RBFOX1: variants seen among roughly 807,000 people sequenced by gnomAD.
RBFOX1 encodes RNA binding protein fox-1 homolog 1.
RBFOX1 carries 8 observed loss-of-function variants against 57.7 expected under a neutral mutation model. The observed-to-expected ratio is 0.14, with a 90% CI of 0.08 to 0.25. The LOEUF is 0.25. Ranked by LOEUF, RBFOX1 falls within the 10% of genes least tolerant of loss-of-function variation. RBFOX1 has a pLI of 1.00. For synonymous variants in RBFOX1, 326 were observed against 222.4 expected (o/e 1.47, Z -4.15); for missense variants, 611 against 548.5 (o/e 1.11, Z -1.14).
chr16:7,272,437 G>A (rs528855557), intron 4 of RBFOX1, among the ~76,000 whole-genome samples: 23 of 152,166 alleles, frequency 1.5e-4, no homozygotes, highest in Non-Finnish European at 3.1e-4. Flanking sequence ...ACCTGCCTCA[G>A]TATCCCAAAA....
intron 1 of RBFOX1, among the ~76,000 whole-genome samples, chr16:6,027,487 A>G (rs1050077975): frequency 3.9e-5 from 6 of 152,158 alleles, no homozygotes; most frequent in Non-Finnish European, 7.3e-5. Context: ...ATCACTTTCT[A>G]AGTCCATAAC....
At chr16:5,439,034 G>C (rs1026830812) in intron 1 of RBFOX1, among the ~76,000 whole-genome samples, 8 of 23,926 alleles carry the variant, frequency 3.3e-4, no homozygotes, top group East Asian at 3.8e-3. Flanking sequence ...GAGAATAATG[G>C]GGGGGGGGGC....
chr16:6,412,157 A>G (rs563621942), intron 2 of RBFOX1, among the ~76,000 whole-genome samples: 6 of 151,550 alleles, frequency 4.0e-5, no homozygotes, highest in African/African-American at 1.5e-4. Flanking sequence ...AAAAAACAAA[A>G]AAACAAAAAA....
At chr16:5,732,234 A>T (rs2052401613) in intron 3 of RBFOX1, among the ~76,000 whole-genome samples, 1 of 152,234 alleles carries the variant, frequency 6.6e-6, no homozygotes. Flanking sequence ...TTTTCTGCTA[A>T]TTCCTGCCTT....
chr16:5,710,169 T>G (rs1437818584), intron 3 of RBFOX1, among the ~76,000 whole-genome samples: 1 of 152,020 alleles, frequency 6.6e-6, no homozygotes, highest in Non-Finnish European at 1.5e-5. Flanking sequence ...CATGTGAGTT[T>G]AGAGCCAAGG....
chr16:6,748,596 C>T (rs190996105), intron 3 of RBFOX1, among the ~76,000 whole-genome samples: 2 of 152,250 alleles, frequency 1.3e-5, no homozygotes, highest in Admixed American at 1.3e-4. Context: ...AAGTTCGAGG[C>T]TGTTGTGAGT....
intron 1 of RBFOX1, among the ~76,000 whole-genome samples, chr16:5,454,283 T>C (rs1424576237): frequency 1.3e-5 from 2 of 152,228 alleles, no homozygotes; most frequent in African/African-American, 4.8e-5. Flanking sequence ...AGTGTTGCAT[T>C]GCTGTGTAGC....
chr16:6,982,711 G>T (rs2089249444), intron 3 of RBFOX1, among the ~76,000 whole-genome samples: 1 of 152,138 alleles, frequency 6.6e-6, no homozygotes. Context: ...ATGTGGAACT[G>T]GCCAGGTGCA....
intron 2 of RBFOX1, among the ~76,000 whole-genome samples, chr16:6,394,071 A>C (rs1195755478): frequency 6.6e-6 from 1 of 152,228 alleles, no homozygotes. Flanking sequence ...TGCAATGCAG[A>C]CATCCATGAC....
At chr16:6,852,190 A>G (rs985924185) in intron 3 of RBFOX1, among the ~76,000 whole-genome samples, 1 of 152,084 alleles carries the variant, frequency 6.6e-6, no homozygotes, top group Non-Finnish European at 1.5e-5. Flanking sequence ...CAAGGTTTTG[A>G]TAGGGCTCTG....
chr16:5,881,067 C>G (rs111573104), intron 4 of RBFOX1, among the ~76,000 whole-genome samples: 1 of 152,098 alleles, frequency 6.6e-6, no homozygotes, highest in Admixed American at 6.5e-5. Context: ...AAAGGGAGTG[C>G]TAGATTTGTT....
intron 14 of RBFOX1, among the ~76,000 whole-genome samples, chr16:7,701,675 G>A (rs560652180): frequency 2.0e-5 from 3 of 151,028 alleles, no homozygotes; most frequent in East Asian, 3.9e-4. Flanking sequence ...AAGTGAGCTT[G>A]GTCATCCCTA....
At chr16:7,055,702 C>T (rs773136732) in intron 4 of RBFOX1, among the ~76,000 whole-genome samples, 1 of 152,164 alleles carries the variant, frequency 6.6e-6, no homozygotes, top group Admixed American at 6.5e-5. Context: ...AGTTATGATT[C>T]ATTTGCAGCA....
chr16:7,700,743 C>T (rs1412162826), intron 14 of RBFOX1, among the ~76,000 whole-genome samples: 3 of 152,174 alleles, frequency 2.0e-5, no homozygotes, highest in South Asian at 2.1e-4. Flanking sequence ...GTGGGACTTA[C>T]TTACTGTGTC....
At chr16:6,091,135 G>A (rs2096166377) in intron 1 of RBFOX1, among the ~76,000 whole-genome samples, 1 of 152,038 alleles carries the variant, frequency 6.6e-6, no homozygotes. Context: ...ACTGTGCTGT[G>A]GAACATTAAA....
At chr16:5,518,079 A>G (rs1445444947) in intron 2 of RBFOX1, among the ~76,000 whole-genome samples, 5 of 152,208 alleles carry the variant, frequency 3.3e-5, no homozygotes, top group Admixed American at 2.6e-4. Flanking sequence ...AAAACAACCT[A>G]TAAATGCCTT....
chr16:5,348,824 G>T (rs1250321477), intron 1 of RBFOX1, among the ~76,000 whole-genome samples: 1 of 152,196 alleles, frequency 6.6e-6, no homozygotes, highest in African/African-American at 2.4e-5. Flanking sequence ...TTTGTCAGCA[G>T]ACTCTTAGGT....
intron 1 of RBFOX1, among the ~76,000 whole-genome samples, chr16:6,267,826 C>T (rs1483836714): frequency 6.6e-6 from 1 of 152,136 alleles, no homozygotes; most frequent in Non-Finnish European, 1.5e-5. Flanking sequence ...ACAGGTTGGA[C>T]ATCCTGTGAC....
intron 4 of RBFOX1, among the ~76,000 whole-genome samples, chr16:7,292,466 A>G (rs552427551): frequency 6.9e-6 from 1 of 144,110 alleles, no homozygotes; most frequent in African/African-American, 2.5e-5. Flanking sequence ...ATTATATATA[A>G]TATATAATGT....
Sources: gnomAD v4.1 joint callset for allele counts (sites outside exome capture counted in the v4.1 genomes callset) on GRCh38, gnomAD v4.1.1 for gene constraint, MANE v1.5 for transcripts, NCBI Gene and HGNC (gene_info 2026-07-23, HGNC 2026-07-21) for gene names.